CSMD1: variants seen among roughly 807,000 people sequenced by gnomAD.
CSMD1 encodes CUB and Sushi multiple domains 1.
Under a neutral mutation model 417.5 loss-of-function variants are expected in CSMD1, and 213 were observed. The ratio of observed to expected loss-of-function variants is 0.51; its 90% CI spans 0.46 to 0.57. The LOEUF (loss-of-function observed/expected upper bound fraction) is 0.57, where lower values mean the gene tolerates loss of function less well. Ranked by LOEUF, CSMD1 falls within the 20% of genes least tolerant of loss-of-function variation. The pLI is 0.00. For missense variants in CSMD1, 6,923 were observed against 4,529.7 expected (o/e 1.53, Z -15.17); for synonymous variants, 2,862 against 1,736.8 (o/e 1.65, Z -16.11).
At chr8:4,273,781 T>C (rs760235219) in intron 3 of CSMD1, among the ~76,000 whole-genome samples, 1 of 152,208 alleles carries the variant, frequency 6.6e-6, no homozygotes, top group Non-Finnish European at 1.5e-5. Context: ...TCTGTAAGCT[T>C]CTGTCTGCGT....
chr8:3,793,676 C>A (rs1254867644), intron 5 of CSMD1, among the ~76,000 whole-genome samples: 4 of 152,146 alleles, frequency 2.6e-5, no homozygotes, highest in Admixed American at 2.0e-4. Flanking sequence ...GTAAACCACT[C>A]ATGATTCATT....
chr8:4,848,882 C>A (rs1416114916), intron 1 of CSMD1, among the ~76,000 whole-genome samples: 1 of 152,192 alleles, frequency 6.6e-6, no homozygotes, highest in Non-Finnish European at 1.5e-5. Flanking sequence ...AACTATGTTT[C>A]TGGTTTATAG....
Position 4,146,888 on chromosome 8 carries a change from C to G in CSMD1, c.416-114789G>C, listed in dbSNP as rs558447795. On this transcript the variant is annotated intron_variant, in intron 3 of 69. Coordinates refer to ENST00000635120, the MANE Select transcript of CSMD1 (RefSeq NM_033225.6). ...GCCTCCCAAAGTGCCGGCGTGATTA[C>G]ATGTGTGAGCCACCGCACCGGCCAG... Among the ~76,000 whole-genome samples, 8 of 144,538 alleles carry G rather than the reference C, an allele frequency of 5.5e-5. No homozygotes were observed. The South Asian group carries it at 1.7e-3, about 30-fold the overall frequency. 94.8% of individuals were successfully genotyped at this position (144,538 alleles called of 152,430 possible).
At chr8:4,045,308 G>T (rs79055631) in intron 3 of CSMD1, among the ~76,000 whole-genome samples, 7,977 of 152,296 alleles carry the variant, frequency 0.052, 285 homozygotes, top group Middle Eastern at 0.11. Context: ...GTCCTTATAG[G>T]GTTAGGCAGG....
chr8:4,045,664 A>T (rs535966511), intron 3 of CSMD1, among the ~76,000 whole-genome samples: 1 of 152,234 alleles, frequency 6.6e-6, no homozygotes, highest in Admixed American at 6.5e-5. Flanking sequence ...TTGTAGTAGA[A>T]ATAATTTTAA....
Position 4,882,945 on chromosome 8 carries a change from G to C in CSMD1, c.85+111387C>G, listed in dbSNP as rs182240468. On this transcript the variant is annotated intron_variant, in intron 1 of 69. Transcript: ENST00000635120. The stretch of plus-strand genomic sequence containing the variant: ...GAAGAAAACCATCAAGAGGGAGCTA[G>C]CAGTGTTAGCTCCAAACTAAACCTA... Among the ~76,000 whole-genome samples, 340 of 152,090 alleles carry C rather than the reference G, an allele frequency of 2.2e-3. 4 individuals are homozygous for C. Among genetic ancestry groups the C allele is most frequent in the African/African-American group, 7.6e-3 (313 of 41,432 alleles).
intron 26 of CSMD1, among the ~76,000 whole-genome samples, chr8:3,233,028 CTGA>C (rs1394744552): frequency 6.6e-6 from 1 of 151,820 alleles, no homozygotes; most frequent in Non-Finnish European, 1.5e-5. Context: ...ACATAGTTGA[CTGA>C]TGATTGTTTA....
At chr8:3,900,350 G>C (rs911364549) in intron 5 of CSMD1, among the ~76,000 whole-genome samples, 1 of 151,574 alleles carries the variant, frequency 6.6e-6, no homozygotes, top group Non-Finnish European at 1.5e-5. Flanking sequence ...TGACAGTGTA[G>C]CTGGTTGACA....
At chr8:3,887,407 C>T (rs922298701) in intron 5 of CSMD1, among the ~76,000 whole-genome samples, 2 of 152,192 alleles carry the variant, frequency 1.3e-5, no homozygotes, top group African/African-American at 4.8e-5. Flanking sequence ...ACCTTCTACT[C>T]TGTCTGAAAT....
chr8:4,969,292 A>G (rs191689533), intron 1 of CSMD1, among the ~76,000 whole-genome samples: 28 of 152,152 alleles, frequency 1.8e-4, no homozygotes, highest in Admixed American at 5.9e-4. Context: ...TTGCTAGGGC[A>G]AAATATTTTA....
chr8:3,006,832 C>T (rs1416625737), intron 52 of CSMD1, among the ~76,000 whole-genome samples: 1 of 147,954 alleles, frequency 6.8e-6, no homozygotes, highest in African/African-American at 2.6e-5. Context: ...AGAAGAAAAC[C>T]TAGGCATTAC....
intron 52 of CSMD1, among the ~76,000 whole-genome samples, chr8:3,010,281 G>T (rs569069979): frequency 6.6e-6 from 1 of 152,330 alleles, no homozygotes; most frequent in South Asian, 2.1e-4. Flanking sequence ...TTTTGTTTTA[G>T]ATGTAGCAGG....
intron 1 of CSMD1, among the ~76,000 whole-genome samples, chr8:4,657,722 A>G (rs370513985): frequency 1.6e-5 from 2 of 126,704 alleles, no homozygotes; most frequent in Non-Finnish European, 3.4e-5. Flanking sequence ...AAAAGAAATG[A>G]AAAAAAAAAA....
chr8:3,188,122 T>C (rs1252804884), intron 35 of CSMD1, among the ~76,000 whole-genome samples, 157 bp from the exon 36 acceptor site: 1 of 146,416 alleles, frequency 6.8e-6, no homozygotes, highest in Admixed American at 6.8e-5. Flanking sequence ...TAATAATGCC[T>C]CCAATGCCAT....
chr8:4,084,975 A>T (rs1800343950), intron 3 of CSMD1, among the ~76,000 whole-genome samples: 1 of 152,170 alleles, frequency 6.6e-6, no homozygotes, highest in South Asian at 2.1e-4. Context: ...AGATGGCCAT[A>T]TTACCACAGC....
intron 37 of CSMD1, among the ~76,000 whole-genome samples, chr8:3,166,323 G>T (rs773581283): frequency 6.6e-6 from 1 of 152,160 alleles, no homozygotes; most frequent in South Asian, 2.1e-4. Context: ...CTGAGGTCAG[G>T]TGTTCAAGAC....
intron 2 of CSMD1, among the ~76,000 whole-genome samples, chr8:4,620,227 A>G (rs963911732): frequency 2.6e-5 from 4 of 151,718 alleles, no homozygotes; most frequent in Non-Finnish European, 4.4e-5. Context: ...TATTTGAAAA[A>G]TCAAATAGTA....
chr8:4,108,845 G>A (rs1160150429), intron 3 of CSMD1, among the ~76,000 whole-genome samples: 1 of 152,198 alleles, frequency 6.6e-6, no homozygotes, highest in African/African-American at 2.4e-5. Flanking sequence ...GCATATGCAT[G>A]CACAACATCA....
At chr8:4,980,955 G>C (rs1810856757) in intron 1 of CSMD1, among the ~76,000 whole-genome samples, 2 of 151,790 alleles carry the variant, frequency 1.3e-5, no homozygotes, top group African/African-American at 4.8e-5. Context: ...ACATGGACTA[G>C]TATGAGCAAC....
Sources: allele counts gnomAD v4.1 joint callset (sites outside exome capture counted in the v4.1 genomes callset), GRCh38; gene constraint gnomAD v4.1.1; transcripts MANE v1.5; gene names NCBI Gene and HGNC (gene_info 2026-07-23, HGNC 2026-07-21).